TTC6: variants seen among roughly 807,000 people sequenced by gnomAD.
TTC6 encodes tetratricopeptide repeat domain 6, also known as tetratricopeptide repeat protein 6.
TTC6 carries 172 observed loss-of-function variants against 210.4 expected under a neutral mutation model. The observed-to-expected ratio is 0.82, with a 90% CI of 0.72 to 0.93. The LOEUF is 0.93. Among genes scored for constraint, TTC6 ranks in the 40% least tolerant of loss-of-function variants. The probability of loss-of-function intolerance (pLI) is 0.00; values close to 1 mark genes in which losing one functional copy is unlikely to be tolerated. For synonymous variants in TTC6, 804 were observed against 819.6 expected (o/e 0.98, Z 0.32); for missense variants, 2,414 against 2,318.1 (o/e 1.04, Z -0.85).
chr14:37,764,124 T>C (rs1325082236), intron 14 of TTC6, among the ~76,000 whole-genome samples: 1 of 152,144 alleles, frequency 6.6e-6, no homozygotes, highest in Non-Finnish European at 1.5e-5. Context: ...GTTTTATCCA[T>C]TGTAGTTAGA....
At position 37,820,050 on chromosome 14, in the gene TTC6, A is replaced by G. The variant is rs74668770; in HGVS notation, c.4763+2399A>G. ...CTCATTGAACGTGTAACCTGACAAG[A>G]ACGTAGATATTCTGCCACATTTTCC... On this transcript the variant is annotated intron_variant, in intron 26 of 30. Transcript: ENST00000553443. Among the ~76,000 whole-genome samples, 321 of 152,362 alleles carry G rather than the reference A, an allele frequency of 2.1e-3. 1 individual carries two copies. Among genetic ancestry groups the G allele is most frequent in the East Asian group, 0.019 (97 of 5,186 alleles).
chr14:37,810,682 A>G (rs982716614), intron 24 of TTC6, among the ~76,000 whole-genome samples: 2 of 152,094 alleles, frequency 1.3e-5, no homozygotes, highest in Non-Finnish European at 2.9e-5. Flanking sequence ...CTCCCTTGCT[A>G]TCTCCCTCCA....
chr14:37,829,206 C>T (rs924704498), intron 29 of TTC6, among the ~76,000 whole-genome samples: 2 of 151,868 alleles, frequency 1.3e-5, no homozygotes, highest in African/African-American at 4.8e-5. Context: ...TCGGATTTTA[C>T]TTTGAGAGCT....
chr14:37,679,052 C>T (rs1202806173), intron 1 of TTC6, among the ~76,000 whole-genome samples: 1 of 152,034 alleles, frequency 6.6e-6, no homozygotes, highest in Non-Finnish European at 1.5e-5. Context: ...GATACCCCAT[C>T]TCTACAAAAA....
intron 1 of TTC6, among the ~76,000 whole-genome samples, chr14:37,624,723 G>C (rs940897948): frequency 6.6e-6 from 1 of 151,844 alleles, no homozygotes; most frequent in Non-Finnish European, 1.5e-5. Context: ...CTGGGTTCAC[G>C]CCATTCTCCT....
At chr14:37,623,094 C>A in intron 1 of TTC6, 91 bp downstream of exon 3, 1 of 897,674 alleles carries the variant, frequency 1.1e-6, no homozygotes, top group Non-Finnish European at 1.6e-6. Context: ...GATAATATTT[C>A]AGTGCATAAG....
intron 1 of TTC6, among the ~76,000 whole-genome samples, chr14:37,661,387 T>G (rs1311143353): frequency 6.6e-6 from 1 of 152,210 alleles, no homozygotes; most frequent in Non-Finnish European, 1.5e-5. Flanking sequence ...TTTCTGCAAA[T>G]GGATAGCCAG....
rs112202371 is a variant in TTC6 at position 37,704,142 on chromosome 14, A to G, written c.1571+2616A>G. On this transcript the variant is annotated intron_variant, in intron 5 of 30. Coordinates refer to ENST00000553443, the Ensembl canonical transcript of TTC6. ...TGCTCTGTTTCCTAGGCTGGTGCGC[A>G]ATGGCATAATAATAGCTTACTGTAA... Among the ~76,000 whole-genome samples, 990 of 152,252 alleles carry G rather than the reference A, an allele frequency of 6.5e-3. 6 individuals carry two copies. The highest frequency in any genetic ancestry group is 0.044 in the Middle Eastern group (13 of 294).
intron 14 of TTC6, among the ~76,000 whole-genome samples, chr14:37,764,271 A>G (rs935771416): frequency 6.6e-6 from 1 of 152,124 alleles, no homozygotes; most frequent in Non-Finnish European, 1.5e-5. Context: ...AGTGTTCTAT[A>G]TATGTTTGTT....
At chr14:37,760,029 A>C (rs960381194) in intron 14 of TTC6, among the ~76,000 whole-genome samples, 18 of 152,244 alleles carry the variant, frequency 1.2e-4, no homozygotes, top group African/African-American at 3.9e-4. Flanking sequence ...TTCTCTATCC[A>C]GTTTTGTGCC....
chr14:37,741,764 GC>G (rs1030340897), intron 10 of TTC6, among the ~76,000 whole-genome samples: 13 of 152,174 alleles, frequency 8.5e-5, no homozygotes, highest in African/African-American at 3.1e-4. Flanking sequence ...AGTCACTCCT[GC>G]AGAAAGCTAC....
intron 15 of TTC6, among the ~76,000 whole-genome samples, chr14:37,787,889 CTGTGTGTG>C (rs3062823): frequency 0.013 from 1,870 of 147,252 alleles, 39 homozygotes; most frequent in African/African-American, 0.043. Flanking sequence ...GTGTGTGTGT[CTGTGTGTG>C]TGTGTGTGTG....
chr14:37,829,210 G>C (rs929304422), intron 29 of TTC6, among the ~76,000 whole-genome samples: 1 of 151,804 alleles, frequency 6.6e-6, no homozygotes, highest in Non-Finnish European at 1.5e-5. Context: ...ATTTTACTTT[G>C]AGAGCTAATT....
rs943292184 is a variant in TTC6, at chr14:37,725,051, A to G, written c.1818+49A>G. 5.7e-6 allele frequency: 6 copies of G among 1,060,624 alleles called. No individual in the cohort carries two copies. The Admixed American group carries it at 8.3e-5, about 15-fold the overall frequency. The allele number at this position is 1,060,624 out of a possible 1,614,324, so 65.7% of individuals were successfully genotyped here. ...CTATTATTGTTGTTGTTATTATTTA[A>G]TAAATAAATTGTATAATTGGCTATG... On this transcript the variant is annotated intron_variant, in intron 7 of 30. Coordinates refer to ENST00000553443, the Ensembl canonical transcript of TTC6.
At chr14:37,796,909 C>G (rs747241856) in exon 20 of TTC6, 40 of 1,605,224 alleles carry the variant, frequency 2.5e-5, no homozygotes, top group Non-Finnish European at 3.2e-5. Flanking sequence ...CATGTGTGCT[C>G]TATTAGCAAA....
chr14:37,769,054 G>C (rs1334337630), intron 14 of TTC6, among the ~76,000 whole-genome samples: 1 of 152,078 alleles, frequency 6.6e-6, no homozygotes, highest in Non-Finnish European at 1.5e-5. Flanking sequence ...CATCTATTGA[G>C]ATAATCATGT....
chr14:37,739,913 C>G (rs988179093), intron 10 of TTC6, among the ~76,000 whole-genome samples: 3 of 151,938 alleles, frequency 2.0e-5, no homozygotes, highest in African/African-American at 7.3e-5. Context: ...CTTGTAATCC[C>G]AGCACTTTGG....
chr14:37,753,442 T>G (rs2095958363), intron 14 of TTC6, among the ~76,000 whole-genome samples: 5 of 152,244 alleles, frequency 3.3e-5, no homozygotes, highest in Admixed American at 3.3e-4. Flanking sequence ...AATTGTTTCA[T>G]TTGCATTTCC....
intron 5 of TTC6, among the ~76,000 whole-genome samples, chr14:37,706,005 T>C (rs561991792): frequency 6.6e-6 from 1 of 152,212 alleles, no homozygotes; most frequent in African/African-American, 2.4e-5. Flanking sequence ...CTGTGGGCAA[T>C]TGGAATCCAT....
Sources: allele counts gnomAD v4.1 joint callset (sites outside exome capture counted in the v4.1 genomes callset), GRCh38; gene constraint gnomAD v4.1.1; transcripts MANE v1.5; gene names NCBI Gene and HGNC (gene_info 2026-07-23, HGNC 2026-07-21).